The following WDR74 variants were observed in gnomAD, a reference collection of about 807,000 sequenced individuals.
The protein encoded by WDR74 is WD repeat domain 74, also known as WD repeat-containing protein 74.
WDR74 carries 31 observed loss-of-function variants against 45.6 expected under a neutral mutation model. That is an observed-to-expected ratio of 0.68 (90% CI 0.51 to 0.92). The LOEUF is 0.92. Ranked by LOEUF, WDR74 falls within the 40% of genes least tolerant of loss-of-function variation. The pLI is 0.00. For synonymous variants in WDR74, 191 were observed against 192.4 expected (o/e 0.99, Z 0.06); for missense variants, 455 against 497.2 (o/e 0.92, Z 0.81).
chr11:62,836,172 C>A, intron 3 of WDR74, 136 bp from the exon 4 acceptor site: 1 of 868,786 alleles, frequency 1.2e-6, no homozygotes, highest in Non-Finnish European at 1.8e-6. Context: ...AGGCCCCAAA[C>A]TCATATCAAC....
chr11:62,840,999 A>G (rs983652872), upstream of WDR74, among the ~76,000 whole-genome samples: 3 of 150,462 alleles, frequency 2.0e-5, no homozygotes, highest in Admixed American at 6.9e-5. Context: ...CCTGGTTAAC[A>G]CGTTGTGAAA....
At chr11:62,834,390 G>GCT in intron 7 of WDR74, 37 bp downstream of exon 7, 2 of 1,584,248 alleles carry the variant, frequency 1.3e-6, no homozygotes, top group South Asian at 1.1e-5. Flanking sequence ...CCCTTCTCAA[G>GCT]CCCCACCCTC....
In WDR74 at chr11:62,832,922, C is replaced by T; in HGVS notation, c.*30G>A. 1 of 1,571,158 alleles carries T rather than the reference C, an allele frequency of 6.4e-7. No homozygotes were observed. Among genetic ancestry groups the T allele is most frequent in the Non-Finnish European group, 8.6e-7 (1 of 1,160,936 alleles). ...GCTCAGGGTCATGGTGGGTGTTCAG[C>T]AGTTTATTTACAAAGTGGGCACAGG... On this transcript the variant is annotated 3_prime_UTR_variant, in exon 11 of 11. Transcript: ENST00000278856.
chr11:62,836,029 T>C lies in WDR74; in HGVS notation c.301A>G (p.Ile101Val), dbSNP rs1237714741. 6.3e-7 allele frequency: 1 copy of C among 1,589,256 alleles called. No homozygotes were observed. The highest frequency in any genetic ancestry group is 1.1e-5 in the South Asian group (1 of 87,014). ...RGLAQADGTL[I>V]TCVDSGILRV... ...AGAATCCCAGAATCCACACATGTGATGAGGGTGCTGCAGAGAAAGGATAGA... is the reference window on the plus strand; with the variant it reads ...AGAATCCCAGAATCCACACATGTGACGAGGGTGCTGCAGAGAAAGGATAGA... Residue 101 changes from isoleucine to valine, a missense_variant, in exon 4 of 11, where the codon ATC becomes GTC. Physicochemically the swap from Ile to Val is conservative, Grantham distance 29. Coordinates refer to ENST00000278856, the MANE Select transcript of WDR74 (RefSeq NM_001369450.1).
intron 3 of WDR74, among the ~76,000 whole-genome samples, chr11:62,838,484 C>A (rs931753886): frequency 1.3e-5 from 2 of 151,778 alleles, no homozygotes; most frequent in Non-Finnish European, 2.9e-5. Flanking sequence ...GACAAGCAGG[C>A]ACAGTGGCTC....
At chr11:62,841,800 G>A (rs1054111722), upstream of WDR74, 3 of 152,208 alleles carry the variant, frequency 2.0e-5, no homozygotes, top group East Asian at 1.9e-4. Flanking sequence ...CCAAAAGGCC[G>A]AGAAGCGATA....
chr11:62,838,009 G>A (rs1366432314), intron 3 of WDR74, among the ~76,000 whole-genome samples: 5 of 152,082 alleles, frequency 3.3e-5, no homozygotes, highest in Admixed American at 6.6e-5. Flanking sequence ...AGGTTGAGGC[G>A]GGAGGATCGT....
chr11:62,836,234 C>A, intron 3 of WDR74, 198 bp from the exon 4 acceptor site: 3 of 569,282 alleles, frequency 5.3e-6, no homozygotes, highest in South Asian at 2.1e-5. Context: ...GGTCACTGGG[C>A]TCTAGGCAGG....
At chr11:62,834,599 C>G in intron 6 of WDR74, 72 bp from the exon 7 acceptor site, 1 of 1,314,764 alleles carries the variant, frequency 7.6e-7, no homozygotes, top group South Asian at 1.3e-5. Context: ...TGCATCCTCA[C>G]CCCCTCCCTG....
At position 62,839,324 on chromosome 11, in the gene WDR74, G is replaced by A. The variant is rs762494919; in HGVS notation, c.169C>T (p.Gln57Ter). ...ALCWGTGGET[Q>*]MLVGCADRTV... ...CGGCCCGACCAGGGGCCACTCACCTGGGTCTCGCCGCCGGTGCCCCAACAC... is the reference window on the plus strand; with the variant it reads ...CGGCCCGACCAGGGGCCACTCACCTAGGTCTCGCCGCCGGTGCCCCAACAC... Residue 57 changes from glutamine (Q) to a stop codon, truncating the protein, a stop_gained and splice_region_variant, in exon 2 of 11, where the codon CAG (glutamine) becomes TAG (stop). Transcript: ENST00000278856. LOFTEE classifies it high-confidence loss of function. 81 of 1,610,488 alleles carry A rather than the reference G, an allele frequency of 5.0e-5. No individual in the cohort carries two copies. The highest frequency in any genetic ancestry group is 6.0e-5 in the Non-Finnish European group (71 of 1,179,546).
In WDR74 at chr11:62,839,334, G is replaced by C. The variant is rs111846457; in HGVS notation, c.159C>G (p.Gly53=). The change falls in exon 2 of 11, where the codon GGC becomes GGG. Residue 53 remains glycine (G), a synonymous_variant. Coordinates refer to ENST00000278856, the MANE Select transcript of WDR74 (RefSeq NM_001369450.1). ...AGGGGCCACTCACCTGGGTCTCGCC[G>C]CCGGTGCCCCAACACAGGGCGCTCA... ...EAVSALCWGT[G]GETQMLVGCA... 6.2e-7 allele frequency: 1 copy of C among 1,610,808 alleles called. No homozygotes were observed. Among genetic ancestry groups the C allele is most frequent in the Non-Finnish European group, 8.5e-7 (1 of 1,179,586 alleles).
At chr11:62,838,834 G>A (rs1253721872) in intron 3 of WDR74, among the ~76,000 whole-genome samples, 1 of 151,912 alleles carries the variant, frequency 6.6e-6, no homozygotes, top group Non-Finnish European at 1.5e-5. Context: ...GTTACTTAGA[G>A]GATTATAATG....
chr11:62,841,404 A>G (rs1268351986), upstream of WDR74, among the ~76,000 whole-genome samples: 1 of 151,430 alleles, frequency 6.6e-6, no homozygotes. Flanking sequence ...CAGAGGCTGA[A>G]GTATGAAGAT....
At chr11:62,834,246 CT>C in intron 8 of WDR74, 29 bp downstream of exon 8, 1 of 1,613,852 alleles carries the variant, frequency 6.2e-7, no homozygotes, top group Admixed American at 1.7e-5. Context: ...CTGCTCCTTC[CT>C]TTCCCCCAAT....
upstream of WDR74, chr11:62,839,601 TC>T (rs1264010086): frequency 3.2e-6 from 5 of 1,577,752 alleles, no homozygotes; most frequent in African/African-American, 2.7e-5. Context: ...AGTTCACACT[TC>T]CGGCGCAGCG....
intron 10 of WDR74, 79 bp from the exon 11 acceptor site, chr11:62,833,210 G>T: frequency 7.0e-7 from 1 of 1,425,616 alleles, no homozygotes; most frequent in South Asian, 1.2e-5. Flanking sequence ...CACTTTGGGA[G>T]ACCAAGGCAG....
Position 62,833,941 on chromosome 11 carries a change from G to A in WDR74, c.776-4C>T. On this transcript the variant is annotated splice_polypyrimidine_tract_variant and splice_region_variant and intron_variant, in intron 8 of 10. Coordinates refer to ENST00000278856, the MANE Select transcript of WDR74 (RefSeq NM_001369450.1). ...TTCAGACAGCCCAGTAGACGCCCTA[G>A]AGAAGGGGGGAAGCATCCGTGATAA... The A allele has an allele frequency of 6.2e-7, 1 of 1,612,868 alleles. No individual in the cohort carries two copies. Among genetic ancestry groups the A allele is most frequent in the Non-Finnish European group, 8.5e-7 (1 of 1,179,332 alleles).
upstream of WDR74, among the ~76,000 whole-genome samples, chr11:62,841,081 G>A (rs548341855): frequency 2.6e-5 from 4 of 152,342 alleles, no homozygotes; most frequent in East Asian, 5.8e-4. Flanking sequence ...CACTTTGGGA[G>A]GCTGAAGCGG....
At chr11:62,841,247 G>A (rs2085041500), upstream of WDR74, among the ~76,000 whole-genome samples, 1 of 152,196 alleles carries the variant, frequency 6.6e-6, no homozygotes, top group African/African-American at 2.4e-5. Context: ...AACCCGGGAG[G>A]CGGATGTTGC....
Sources: allele counts gnomAD v4.1 joint callset (sites outside exome capture counted in the v4.1 genomes callset), GRCh38; gene constraint gnomAD v4.1.1; transcripts MANE v1.5; gene names NCBI Gene and HGNC (gene_info 2026-07-23, HGNC 2026-07-21).